LRMDA: variants seen among roughly 807,000 people sequenced by gnomAD.
LRMDA encodes leucine-rich melanocyte differentiation-associated protein.
Under a neutral mutation model 29.8 loss-of-function variants are expected in LRMDA, and 18 were observed. The observed-to-expected ratio is 0.60, with a 90% CI of 0.42 to 0.90. The LOEUF (loss-of-function observed/expected upper bound fraction) is 0.90, where lower values mean the gene tolerates loss of function less well. Among genes scored for constraint, LRMDA ranks in the 40% least tolerant of loss-of-function variants. The pLI, the probability that LRMDA is intolerant of heterozygous loss-of-function variation, is 0.00. For synonymous variants in LRMDA, 125 were observed against 109.4 expected (o/e 1.14, Z -0.89); for missense variants, 273 against 273.9 (o/e 1.00, Z 0.02).
chr10:76,233,532 G>C (rs1296170266), intron 5 of LRMDA, among the ~76,000 whole-genome samples: 35 of 152,134 alleles, frequency 2.3e-4, no homozygotes, highest in Non-Finnish European at 1.6e-4. Flanking sequence ...TTTCTCTGTA[G>C]CATGTGATGC....
chr10:76,293,561 CT>C (rs2132350853), intron 5 of LRMDA, among the ~76,000 whole-genome samples: 1 of 152,282 alleles, frequency 6.6e-6, no homozygotes, highest in African/African-American at 2.4e-5. Flanking sequence ...CATAGTTTAG[CT>C]TTTACAAAAG....
chr10:75,825,489 G>A (rs921868021), intron 2 of LRMDA, among the ~76,000 whole-genome samples: 5 of 152,124 alleles, frequency 3.3e-5, no homozygotes, highest in Admixed American at 2.6e-4. Context: ...TTTAGAAGAC[G>A]TGCTCATTTT....
chr10:75,632,686 G>C (rs1035771811), intron 2 of LRMDA, among the ~76,000 whole-genome samples: 8 of 150,074 alleles, frequency 5.3e-5, no homozygotes, highest in African/African-American at 1.5e-4. Flanking sequence ...TGCTGACTTT[G>C]TATCAAGTGT....
At chr10:75,613,862 G>A (rs1841066315) in intron 2 of LRMDA, among the ~76,000 whole-genome samples, 1 of 152,200 alleles carries the variant, frequency 6.6e-6, no homozygotes, top group Non-Finnish European at 1.5e-5. Context: ...TTTGGTGCTT[G>A]CAGTTTTCAT....
chr10:76,449,627 C>G (rs1023352566), intron 6 of LRMDA, among the ~76,000 whole-genome samples: 1 of 151,834 alleles, frequency 6.6e-6, no homozygotes, highest in African/African-American at 2.4e-5. Flanking sequence ...TTGTTTAATG[C>G]TTTCTTGCTT....
chr10:75,441,012 G>C (rs899015011), intron 2 of LRMDA, among the ~76,000 whole-genome samples: 6 of 150,888 alleles, frequency 4.0e-5, no homozygotes, highest in African/African-American at 1.5e-4. Context: ...ACTCCAGCCT[G>C]GGCAACAAGG....
intron 2 of LRMDA, among the ~76,000 whole-genome samples, chr10:75,897,815 G>GCC (rs764160379): frequency 8.9e-6 from 1 of 112,236 alleles, no homozygotes; most frequent in African/African-American, 3.2e-5. Context: ...ACTTCTTCCT[G>GCC]CCTTTTTTTT....
At chr10:76,119,518 A>G (rs1354001886) in intron 5 of LRMDA, among the ~76,000 whole-genome samples, 1 of 152,040 alleles carries the variant, frequency 6.6e-6, no homozygotes, top group Non-Finnish European at 1.5e-5. Context: ...AGAAAGTGAA[A>G]ACTGGGTTTT....
intron 2 of LRMDA, among the ~76,000 whole-genome samples, chr10:75,985,594 C>T (rs1397247626): frequency 6.6e-6 from 1 of 152,240 alleles, no homozygotes; most frequent in African/African-American, 2.4e-5. Context: ...AGATCCCAGA[C>T]TGGGTCTTCC....
At chr10:76,347,684 C>T (rs1213625373) in intron 6 of LRMDA, among the ~76,000 whole-genome samples, 1 of 152,000 alleles carries the variant, frequency 6.6e-6, no homozygotes, top group Non-Finnish European at 1.5e-5. Flanking sequence ...GTTATAAAAC[C>T]CAAGGAACCT....
chr10:75,992,284 C>T (rs1360990620), intron 2 of LRMDA, among the ~76,000 whole-genome samples: 2 of 152,178 alleles, frequency 1.3e-5, no homozygotes, highest in African/African-American at 2.4e-5. Context: ...AGCATAGATG[C>T]ATCCTCCGAG....
intron 2 of LRMDA, among the ~76,000 whole-genome samples, chr10:75,541,232 G>T (rs1231033680): frequency 6.6e-6 from 1 of 152,066 alleles, no homozygotes; most frequent in African/African-American, 2.4e-5. Context: ...AGCCGATTTG[G>T]AACTAGCTAG....
At chr10:76,297,895 C>G (rs1274104114) in intron 5 of LRMDA, among the ~76,000 whole-genome samples, 1 of 152,192 alleles carries the variant, frequency 6.6e-6, no homozygotes, top group Non-Finnish European at 1.5e-5. Flanking sequence ...GTTTACTTAT[C>G]CAGGTACAAA....
intron 2 of LRMDA, among the ~76,000 whole-genome samples, chr10:75,748,142 G>A (rs780488957): frequency 3.3e-5 from 5 of 152,094 alleles, no homozygotes; most frequent in African/African-American, 1.2e-4. Flanking sequence ...TGCCCAGGCT[G>A]GAGTGCAGTG....
At chr10:75,884,245 TTGTGTGTGTGTGTG>T (rs57507869) in intron 2 of LRMDA, among the ~76,000 whole-genome samples, 36 of 109,570 alleles carry the variant, frequency 3.3e-4, no homozygotes, top group South Asian at 1.0e-3. Flanking sequence ...GCAGGCGACT[TTGTGTGTGTGTGTG>T]TGTGTGTGTG....
chr10:76,059,600 C>T (rs1057370543), intron 5 of LRMDA, among the ~76,000 whole-genome samples: 4 of 152,088 alleles, frequency 2.6e-5, no homozygotes, highest in Non-Finnish European at 5.9e-5. Context: ...GTGGTCACCT[C>T]CCATGAGATT....
intron 5 of LRMDA, among the ~76,000 whole-genome samples, chr10:76,118,658 G>A (rs538526022): frequency 1.3e-5 from 2 of 152,080 alleles, no homozygotes; most frequent in South Asian, 2.1e-4. Context: ...CCATTCTGTG[G>A]CCCCATCAGC....
At chr10:76,395,180 T>G (rs894815785) in intron 6 of LRMDA, among the ~76,000 whole-genome samples, 1 of 152,182 alleles carries the variant, frequency 6.6e-6, no homozygotes, top group African/African-American at 2.4e-5. Context: ...AATACCCTCT[T>G]GTATGAAGTG....
chr10:75,830,141 G>A (rs1350913193), intron 2 of LRMDA, among the ~76,000 whole-genome samples: 2 of 152,050 alleles, frequency 1.3e-5, no homozygotes, highest in Admixed American at 6.6e-5. Context: ...CACCTTAAAC[G>A]TCCATTTCCC....
Sources: allele counts gnomAD v4.1 joint callset (sites outside exome capture counted in the v4.1 genomes callset), GRCh38; gene constraint gnomAD v4.1.1; transcripts MANE v1.5; gene names NCBI Gene and HGNC (gene_info 2026-07-23, HGNC 2026-07-21).